The following CLVS1 variants were observed in gnomAD, a reference collection of about 807,000 sequenced individuals.
CLVS1 encodes the protein clavesin-1.
CLVS1 carries 10 observed loss-of-function variants against 33.1 expected under a neutral mutation model. The ratio of observed to expected loss-of-function variants is 0.30; its 90% CI spans 0.19 to 0.51. The LOEUF (loss-of-function observed/expected upper bound fraction) is 0.51, where lower values mean the gene tolerates loss of function less well. Ranked by LOEUF, CLVS1 falls within the 20% of genes least tolerant of loss-of-function variation. CLVS1 has a pLI of 0.97. For missense variants in CLVS1, 343 were observed against 433.4 expected, an observed-to-expected ratio of 0.79 and a Z score of 1.85; for synonymous variants, 163 against 166.1, an observed-to-expected ratio of 0.98 and a Z score of 0.14.
At chr8:61,013,255 T>C in the CLVS1 span, among the ~76,000 whole-genome samples, 2 of 152,260 alleles carry the variant, frequency 1.3e-5, no homozygotes, top group African/African-American at 4.8e-5. Flanking sequence ...ACACAGCCAA[T>C]TATGCCACAA....
chr8:61,257,103 G>A (rs1398246907), intron 2 of CLVS1, among the ~76,000 whole-genome samples: 2 of 152,068 alleles, frequency 1.3e-5, no homozygotes, highest in Admixed American at 1.3e-4. Flanking sequence ...TTTTATAATG[G>A]GGTAAAATCA....
In CLVS1 at chr8:61,454,082, G is replaced by C. The variant is rs1478050629; in HGVS notation, c.631-59G>C. ...TGTTCTTTGGGGCATTGGTCCTGCT[G>C]GTCCAGTCTAACAAGGTGTGCTTAC... On this transcript the variant is annotated intron_variant, in intron 3 of 5. Transcript: ENST00000325897. 3 of 1,176,966 alleles carry C rather than the reference G, an allele frequency of 2.5e-6. No homozygotes were observed. In the African/African-American group the frequency reaches 4.5e-5, roughly 18 times the overall value. 72.9% of individuals were successfully genotyped at this position (1,176,966 alleles called of 1,614,324 possible).
chr8:60,978,809 C>CAAAAAAAAAAAAAAAAAAAAAAAAAA, the CLVS1 span, among the ~76,000 whole-genome samples: 1 of 22,532 alleles, frequency 4.4e-5, no homozygotes, highest in Non-Finnish European at 7.9e-5. Context: ...GACTCCATCT[C>CAAAAAAAAAAAAAAAAAAAAAAAAAA]AAAAAAAAAA....
At chr8:60,995,602 G>A in the CLVS1 span, among the ~76,000 whole-genome samples, 1 of 152,220 alleles carries the variant, frequency 6.6e-6, no homozygotes, top group African/African-American at 2.4e-5. Flanking sequence ...AAGTCAGAGT[G>A]GCGATTCCTC....
At chr8:61,461,924 G>A (rs762017393) in intron 5 of CLVS1, among the ~76,000 whole-genome samples, 46 of 140,518 alleles carry the variant, frequency 3.3e-4, no homozygotes, top group East Asian at 1.3e-3. Context: ...ATGGGAAAAC[G>A]CCATGTCATT....
intron 2 of CLVS1, among the ~76,000 whole-genome samples, chr8:61,217,429 G>A (rs2978537): frequency 0.99 from 151,558 of 152,328 alleles, 75,400 homozygotes; most frequent in Middle Eastern, 1. Flanking sequence ...CAATGCTATG[G>A]ATATTGTATT....
chr8:61,070,018 C>T (rs1804763421), intron 1 of CLVS1, among the ~76,000 whole-genome samples: 2 of 152,136 alleles, frequency 1.3e-5, no homozygotes, highest in South Asian at 4.1e-4. Flanking sequence ...GTCTCAAACT[C>T]CTGACTTCCT....
chr8:61,077,134 C>A (rs113747150), intron 1 of CLVS1, among the ~76,000 whole-genome samples: 2 of 152,000 alleles, frequency 1.3e-5, no homozygotes, highest in East Asian at 1.9e-4. Flanking sequence ...AGTGCAGTGG[C>A]GCGATCTCGG....
At chr8:60,966,951 A>G in the CLVS1 span, among the ~76,000 whole-genome samples, 3 of 152,352 alleles carry the variant, frequency 2.0e-5, no homozygotes, top group East Asian at 5.8e-4. Flanking sequence ...TAAAATGCCC[A>G]GTTATGATAA....
At chr8:61,385,461 A>G (rs1814044331) in intron 3 of CLVS1, among the ~76,000 whole-genome samples, 1 of 152,226 alleles carries the variant, frequency 6.6e-6, no homozygotes, top group East Asian at 1.9e-4. Context: ...TGTTGGAAAG[A>G]AACTCTGTGG....
At chr8:61,096,620 T>C (rs1050720405) in intron 1 of CLVS1, among the ~76,000 whole-genome samples, 1 of 152,158 alleles carries the variant, frequency 6.6e-6, no homozygotes, top group Non-Finnish European at 1.5e-5. Context: ...ATGCAAACAC[T>C]TCAGACTTCT....
At chr8:61,079,854 G>A (rs540045198) in intron 1 of CLVS1, among the ~76,000 whole-genome samples, 1 of 151,772 alleles carries the variant, frequency 6.6e-6, no homozygotes, top group African/African-American at 2.4e-5. Flanking sequence ...TATCGTGAAT[G>A]TGCTAAATGT....
chr8:61,076,094 C>T (rs1424713642), intron 1 of CLVS1, among the ~76,000 whole-genome samples: 2 of 151,970 alleles, frequency 1.3e-5, no homozygotes, highest in African/African-American at 4.8e-5. Context: ...AGAAAGTTAC[C>T]CATTTGTTAC....
intron 3 of CLVS1, among the ~76,000 whole-genome samples, chr8:61,401,100 CT>C (rs1814731523): frequency 6.6e-6 from 1 of 151,576 alleles, no homozygotes; most frequent in African/African-American, 2.4e-5. Context: ...TTGAAATACA[CT>C]TGATTTTTGT....
chr8:61,072,392 C>A (rs1315587382), intron 1 of CLVS1, among the ~76,000 whole-genome samples: 1 of 152,162 alleles, frequency 6.6e-6, no homozygotes, highest in Non-Finnish European at 1.5e-5. Flanking sequence ...TTTCCTAAGA[C>A]CCCCTCTTAT....
At chr8:60,975,495 C>G in the CLVS1 span, among the ~76,000 whole-genome samples, 1 of 152,084 alleles carries the variant, frequency 6.6e-6, no homozygotes, top group South Asian at 2.1e-4. Context: ...CACAGAGGAA[C>G]AGGTCAGGTG....
intron 3 of CLVS1, among the ~76,000 whole-genome samples, chr8:61,430,015 T>A (rs1218747059): frequency 6.6e-6 from 1 of 152,252 alleles, no homozygotes; most frequent in African/African-American, 2.4e-5. Context: ...CTATCCTATT[T>A]GCTTTCCTTT....
intron 1 of CLVS1, among the ~76,000 whole-genome samples, chr8:61,116,498 T>C (rs1269788840): frequency 6.6e-6 from 1 of 152,220 alleles, no homozygotes; most frequent in Non-Finnish European, 1.5e-5. Context: ...GTTTTTATGG[T>C]TTTAGGTCTA....
At chr8:61,270,314 A>T (rs560780560) in intron 2 of CLVS1, among the ~76,000 whole-genome samples, 50 of 152,294 alleles carry the variant, frequency 3.3e-4, no homozygotes, top group African/African-American at 1.2e-3. Flanking sequence ...GCTGGATTAG[A>T]TTTATTGATT....
Sources: gnomAD v4.1 joint callset for allele counts (sites outside exome capture counted in the v4.1 genomes callset) on GRCh38, gnomAD v4.1.1 for gene constraint, MANE v1.5 for transcripts, NCBI Gene and HGNC (gene_info 2026-07-23, HGNC 2026-07-21) for gene names.